The following PARD3B variants were observed in gnomAD, a reference collection of about 807,000 sequenced individuals.
PARD3B encodes the protein partitioning defective 3 homolog B.
In PARD3B, 103 loss-of-function variants were observed where a neutral mutation model predicts 130.2. The ratio of observed to expected loss-of-function variants is 0.79; its 90% CI spans 0.67 to 0.93. PARD3B has a LOEUF of 0.93. PARD3B is among the 40% of genes least tolerant of loss of function. PARD3B has a pLI of 0.00. For missense variants in PARD3B, 1,609 were observed against 1,499.2 expected, an observed-to-expected ratio of 1.07 and a Z score of -1.21; for synonymous variants, 583 against 553.2, an observed-to-expected ratio of 1.05 and a Z score of -0.76.
At chr2:204,941,476 A>C (rs1474721867) in intron 2 of PARD3B, among the ~76,000 whole-genome samples, 1 of 152,204 alleles carries the variant, frequency 6.6e-6, no homozygotes, top group East Asian at 1.9e-4. Context: ...TTAATTCACA[A>C]ATACTGGAAT....
intron 3 of PARD3B, among the ~76,000 whole-genome samples, chr2:204,974,023 A>C (rs191956313): frequency 1.3e-5 from 2 of 152,362 alleles, no homozygotes; most frequent in Admixed American, 1.3e-4. Context: ...GATACACAGA[A>C]AACGGTGCTC....
In PARD3B at chr2:205,309,088, TA is replaced by T. The variant is rs34345422; in HGVS notation, c.2630+7390del. Among the ~76,000 whole-genome samples the T allele has an allele frequency of 0.56, 84,881 of 152,058 alleles. 27,399 individuals are homozygous for T. The highest frequency in any genetic ancestry group is 0.75 in the South Asian group (3,641 of 4,824). On this transcript the variant is annotated intron_variant, in intron 18 of 22. Coordinates refer to ENST00000406610, the MANE Select transcript of PARD3B (RefSeq NM_001302769.2). The surrounding 1 kb of genome is among the most constrained non-coding windows in gnomAD (Gnocchi z 4.7). ...CTTTTGTTTTCTTTTTTGCAACTTA[TA>T]AATATGGGAAGGTTATTTTTAAACC... is the stretch of plus-strand genomic sequence containing the variant.
intron 20 of PARD3B, among the ~76,000 whole-genome samples, chr2:205,472,760 T>G (rs545123107): frequency 1.3e-5 from 2 of 152,116 alleles, no homozygotes; most frequent in East Asian, 3.9e-4. Flanking sequence ...CAACCTTGAG[T>G]GTATATAACA....
chr2:204,550,760 T>C (rs1004536285), intron 1 of PARD3B, among the ~76,000 whole-genome samples: 4 of 152,238 alleles, frequency 2.6e-5, no homozygotes, highest in African/African-American at 4.8e-5. Flanking sequence ...AGACTAACAA[T>C]TCCATTCCCT....
chr2:204,692,040 A>T (rs2037378516), intron 2 of PARD3B, among the ~76,000 whole-genome samples: 2 of 152,156 alleles, frequency 1.3e-5, no homozygotes, highest in Non-Finnish European at 2.9e-5. Context: ...TGCTGCATGA[A>T]CTAGTGACCT....
At chr2:204,710,482 G>A (rs2038380647) in intron 2 of PARD3B, among the ~76,000 whole-genome samples, 1 of 152,214 alleles carries the variant, frequency 6.6e-6, no homozygotes, top group Non-Finnish European at 1.5e-5. Flanking sequence ...AGCTGGACTT[G>A]CAGTCATTTG....
At chr2:205,527,646 G>A (rs982169634) in intron 21 of PARD3B, among the ~76,000 whole-genome samples, 1 of 152,140 alleles carries the variant, frequency 6.6e-6, no homozygotes, top group African/African-American at 2.4e-5. Context: ...GTAAGGCCAG[G>A]CAAAGGCAAT....
intron 3 of PARD3B, among the ~76,000 whole-genome samples, chr2:205,044,951 T>C (rs550330380): frequency 2.0e-5 from 3 of 152,134 alleles, no homozygotes; most frequent in Non-Finnish European, 4.4e-5. Flanking sequence ...ATGCTCATTA[T>C]TAATTTCAAT....
intron 1 of PARD3B, among the ~76,000 whole-genome samples, chr2:204,660,422 G>A (rs1414282935): frequency 6.6e-6 from 1 of 152,162 alleles, no homozygotes; most frequent in African/African-American, 2.4e-5. Context: ...TATTTATTGA[G>A]TACCTATAGT....
chr2:205,094,798 A>G (rs1702308234), intron 4 of PARD3B, among the ~76,000 whole-genome samples: 1 of 152,214 alleles, frequency 6.6e-6, no homozygotes, highest in African/African-American at 2.4e-5. Context: ...ATAGCTTTGC[A>G]TCAGTGTATA....
At chr2:204,640,262 A>G (rs2035029566) in intron 1 of PARD3B, among the ~76,000 whole-genome samples, 1 of 152,142 alleles carries the variant, frequency 6.6e-6, no homozygotes, top group Non-Finnish European at 1.5e-5. Flanking sequence ...TCTCAAAAAA[A>G]CAAAACAGAT....
chr2:204,676,143 A>C (rs1009410266), intron 1 of PARD3B, among the ~76,000 whole-genome samples: 1 of 151,612 alleles, frequency 6.6e-6, no homozygotes, highest in Admixed American at 6.6e-5. Flanking sequence ...AATGAGGGGA[A>C]GGTGGGAGGA....
intron 2 of PARD3B, among the ~76,000 whole-genome samples, chr2:204,844,088 T>C (rs2044363366): frequency 6.6e-6 from 1 of 152,150 alleles, no homozygotes; most frequent in East Asian, 1.9e-4. Context: ...GTTTGTAAAC[T>C]ATGCAAAAAG....
At chr2:205,490,334 A>G (rs1434478418) in intron 20 of PARD3B, among the ~76,000 whole-genome samples, 5 of 151,672 alleles carry the variant, frequency 3.3e-5, no homozygotes, top group Admixed American at 2.6e-4. Flanking sequence ...TCATTGTTCA[A>G]TTCCCACCTA....
chr2:205,050,313 C>A lies in PARD3B; in HGVS notation c.504+2623C>A, dbSNP rs145954917. Among the ~76,000 whole-genome samples the A allele has an allele frequency of 2.5e-3, 376 of 151,900 alleles. 1 individual carries two copies. Among genetic ancestry groups the A allele is most frequent in the African/African-American group, 8.5e-3 (354 of 41,500 alleles). On this transcript the variant is annotated intron_variant, in intron 4 of 22. Transcript: ENST00000406610. ...GCTCCAAGGTCTAGTTCACCACAGG[C>A]AAGTGACAGATAGTTTAACTTCCCT...
Position 205,586,447 on chromosome 2 carries a change from T to G in PARD3B, c.3261-29009T>G, listed in dbSNP as rs184478453. Reference sequence around the variant, plus strand: ...TTGTCACCTAGTATCCAGAAAGGGTTCTGTTGGGAAGAGATTACTGGAGAA... The same window carrying G: ...TTGTCACCTAGTATCCAGAAAGGGTGCTGTTGGGAAGAGATTACTGGAGAA... On this transcript the variant is annotated intron_variant, in intron 22 of 22. Coordinates refer to ENST00000406610, the MANE Select transcript of PARD3B (RefSeq NM_001302769.2). 3.3e-4 allele frequency among the ~76,000 whole-genome samples: 50 copies of G among 152,316 alleles called. 1 individual carries two copies. The highest frequency in any genetic ancestry group is 2.9e-3 in the Admixed American group (44 of 15,292).
chr2:205,365,900 G>A (rs887698491), intron 18 of PARD3B, among the ~76,000 whole-genome samples: 4 of 152,224 alleles, frequency 2.6e-5, no homozygotes, highest in African/African-American at 9.6e-5. Context: ...CAATTCAGTA[G>A]TGTTGGAAAT....
intron 2 of PARD3B, among the ~76,000 whole-genome samples, chr2:204,733,873 A>G (rs946085862): frequency 2.6e-5 from 4 of 152,196 alleles, no homozygotes; most frequent in African/African-American, 7.2e-5. Context: ...TCATAGAACC[A>G]TAAAATTTCT....
intron 3 of PARD3B, among the ~76,000 whole-genome samples, chr2:204,979,109 G>C (rs1445854404): frequency 1.3e-5 from 2 of 152,080 alleles, no homozygotes; most frequent in African/African-American, 4.8e-5. Context: ...GGGAGGCTGA[G>C]GCAGGAGAAT....
Sources: allele counts gnomAD v4.1 joint callset (sites outside exome capture counted in the v4.1 genomes callset), GRCh38; gene constraint gnomAD v4.1.1; non-coding constraint Gnocchi (gnomAD v3.1); transcripts MANE v1.5; gene names NCBI Gene and HGNC (gene_info 2026-07-23, HGNC 2026-07-21).